Variants in KRAS observed in about 807,000 individuals in gnomAD.
KRAS encodes KRas proto-oncogene, GTPase, also known as GTPase KRas.
A neutral mutation model predicts 21.0 loss-of-function variants in KRAS; 1 was observed. That is an observed-to-expected ratio of 0.05 (90% CI 0.02 to 0.23). The LOEUF (loss-of-function observed/expected upper bound fraction) is 0.23, where lower values mean the gene tolerates loss of function less well. Ranked by LOEUF, KRAS falls within the 10% of genes least tolerant of loss-of-function variation. KRAS has a pLI of 1.00. For missense variants in KRAS, 107 were observed against 221.8 expected (o/e 0.48, Z 3.29); for synonymous variants, 67 against 72.5 (o/e 0.92, Z 0.39).
intron 1 of KRAS, among the ~76,000 whole-genome samples, chr12:25,247,681 C>T (rs928594842): frequency 6.6e-6 from 1 of 152,182 alleles, no homozygotes; most frequent in African/African-American, 2.4e-5. Context: ...GAGGTCAAAA[C>T]TGTTTTCATA....
Position 25,210,993 on chromosome 12 carries a change from A to G in KRAS, c.451-1082T>C, listed in dbSNP as rs566858254. 7.9e-5 allele frequency: 12 copies of G among 152,292 alleles called. No homozygotes were observed. In the South Asian group the frequency reaches 1.7e-3, roughly 21 times the overall value. 9.4% of individuals were successfully genotyped at this position (152,292 alleles called of 1,614,324 possible). The stretch of plus-strand genomic sequence containing the variant: ...ATATAAATAAAAGCAAAAAATGAAG[A>G]AAAAATATGATTCTCTCTGTATTTT... On this transcript the variant is annotated intron_variant, in intron 4 of 4. Coordinates refer to ENST00000311936, the MANE Select transcript of KRAS (RefSeq NM_004985.5).
chr12:25,218,918 T>G (rs997025252), intron 4 of KRAS, among the ~76,000 whole-genome samples: 1 of 110,520 alleles, frequency 9.0e-6, no homozygotes, highest in Non-Finnish European at 2.1e-5. Context: ...GGGGGTTTTT[T>G]GTTTTTTTTT....
intron 4 of KRAS, among the ~76,000 whole-genome samples, chr12:25,214,159 T>C (rs951335101): frequency 6.6e-6 from 1 of 152,138 alleles, no homozygotes; most frequent in Non-Finnish European, 1.5e-5. Context: ...ATGAGAGTGT[T>C]AGCTAATTAG....
chr12:25,219,260 C>A (rs2141495076), intron 4 of KRAS, among the ~76,000 whole-genome samples: 1 of 152,146 alleles, frequency 6.6e-6, no homozygotes, highest in African/African-American at 2.4e-5. Flanking sequence ...TACACATATA[C>A]TCATTTTCAA....
intron 2 of KRAS, among the ~76,000 whole-genome samples, chr12:25,242,970 TAC>T (rs1005508265): frequency 2.0e-5 from 3 of 152,152 alleles, no homozygotes; most frequent in Non-Finnish European, 4.4e-5. Context: ...CACCAAAAAA[TAC>T]AGTATTACTT....
chr12:25,241,696 TTAA>T (rs1478224447), intron 2 of KRAS, among the ~76,000 whole-genome samples: 4 of 152,136 alleles, frequency 2.6e-5, no homozygotes, highest in African/African-American at 9.7e-5. Flanking sequence ...TGCAGGAAGT[TTAA>T]TATTAGGTTG....
At chr12:25,248,404 C>G (rs968226556) in intron 1 of KRAS, among the ~76,000 whole-genome samples, 1 of 151,166 alleles carries the variant, frequency 6.6e-6, no homozygotes, top group African/African-American at 2.4e-5. Flanking sequence ...GGGCCGAGAT[C>G]GCGCCACTGC....
At chr12:25,227,719 T>C (rs1951410911) in intron 2 of KRAS, among the ~76,000 whole-genome samples, 1 of 152,152 alleles carries the variant, frequency 6.6e-6, no homozygotes, top group African/African-American at 2.4e-5. Flanking sequence ...TTAGCAAGGA[T>C]ACAGACACTG....
intron 1 of KRAS, 102 bp downstream of exon 1, chr12:25,250,649 C>G (rs1318790048): frequency 6.0e-6 from 1 of 167,566 alleles, no homozygotes; most frequent in Non-Finnish European, 1.3e-5. Context: ...ACCCGCCCCT[C>G]CGGGGACCCC....
Position 25,208,505 on chromosome 12 carries a change from TA to T in KRAS, c.*1289del, listed in dbSNP as rs1038650305. 46 of 226,710 alleles carry T rather than the reference TA, an allele frequency of 2.0e-4. No individual in the cohort carries two copies. Among genetic ancestry groups the T allele is most frequent in the East Asian group, 2.5e-4 (4 of 15,894 alleles). The allele number at this position is 226,710 out of a possible 1,614,324, so 14.0% of individuals were successfully genotyped here. A position where few individuals can be genotyped will look rare whatever the true frequency, so the allele number is the denominator to read the frequency against. ...TGTAAAACTTTTTCACTTCATTGTTTAAAAAAAAAATTAATGTCTTGGCACA... is the reference window on the plus strand; with the variant it reads ...TGTAAAACTTTTTCACTTCATTGTTTAAAAAAAAATTAATGTCTTGGCACA... On this transcript the variant is annotated 3_prime_UTR_variant, in exon 5 of 5. Coordinates refer to ENST00000311936, the MANE Select transcript of KRAS (RefSeq NM_004985.5).
At chr12:25,237,714 C>T (rs1185169649) in intron 2 of KRAS, among the ~76,000 whole-genome samples, 1 of 152,124 alleles carries the variant, frequency 6.6e-6, no homozygotes, top group Non-Finnish European at 1.5e-5. Flanking sequence ...AAACTGCATA[C>T]AGGACTTTAT....
intron 3 of KRAS, among the ~76,000 whole-genome samples, chr12:25,226,469 C>G (rs905835373): frequency 1.3e-5 from 2 of 152,118 alleles, no homozygotes; most frequent in African/African-American, 2.4e-5. Context: ...GATAATAGAG[C>G]TGAAATTTGG....
At chr12:25,216,409 G>T (rs1435731930) in intron 4 of KRAS, among the ~76,000 whole-genome samples, 1 of 152,046 alleles carries the variant, frequency 6.6e-6, no homozygotes, top group East Asian at 1.9e-4. Context: ...CAAATAGCTG[G>T]GACTACAGGC....
intron 1 of KRAS, among the ~76,000 whole-genome samples, chr12:25,249,453 T>C (rs113806601): frequency 0.2 from 28,789 of 147,066 alleles, 2,864 homozygotes; most frequent in Middle Eastern, 0.26. Context: ...TAGCTGGGCA[T>C]GGTGGCGTGC....
At chr12:25,215,250 T>C (rs959761859) in intron 4 of KRAS, 23 of 749,458 alleles carry the variant, frequency 3.1e-5, no homozygotes, top group East Asian at 1.3e-4. Context: ...GCCATCAAAA[T>C]TGTCTCAATT....
At chr12:25,231,960 GAA>G (rs1565886833) in intron 2 of KRAS, among the ~76,000 whole-genome samples, 2 of 152,212 alleles carry the variant, frequency 1.3e-5, no homozygotes, top group East Asian at 3.9e-4. Flanking sequence ...CAGGCCATAA[GAA>G]ACAGTCATCC....
chr12:25,241,273 TA>T (rs970869082), intron 2 of KRAS, among the ~76,000 whole-genome samples: 8 of 152,170 alleles, frequency 5.3e-5, no homozygotes, highest in Non-Finnish European at 7.3e-5. Flanking sequence ...ATAAAACGAA[TA>T]TATTTATAAA....
intron 2 of KRAS, among the ~76,000 whole-genome samples, chr12:25,241,511 G>C (rs1031658410): frequency 6.6e-6 from 1 of 152,182 alleles, no homozygotes; most frequent in African/African-American, 2.4e-5. Context: ...ACGTACAAAA[G>C]TTAAAGTTTA....
rs1951138516 is a variant in KRAS, at chr12:25,206,372, T to G, written c.*3423A>C. The stretch of plus-strand genomic sequence containing the variant: ...TTCCACAAACATGTTAATGCCTAAG[T>G]CTATGTAATTTAGCTTTTTTTAAAA... On this transcript the variant is annotated 3_prime_UTR_variant, in exon 5 of 5. Transcript: ENST00000311936. 1 of 206,278 alleles carries G rather than the reference T, an allele frequency of 4.8e-6. No homozygotes were observed. The highest frequency in any genetic ancestry group is 9.9e-6 in the Non-Finnish European group (1 of 101,094). 12.8% of individuals were successfully genotyped at this position (206,278 alleles called of 1,614,324 possible).
Sources: gnomAD v4.1 joint callset for allele counts (sites outside exome capture counted in the v4.1 genomes callset) on GRCh38, gnomAD v4.1.1 for gene constraint, MANE v1.5 for transcripts, NCBI Gene and HGNC (gene_info 2026-07-23, HGNC 2026-07-21) for gene names.